LRRC53: variants seen among roughly 807,000 people sequenced by gnomAD.
LRRC53 encodes the protein leucine rich repeat containing 53.
Under a neutral mutation model 13.6 loss-of-function variants are expected in LRRC53, and 25 were observed. That is an observed-to-expected ratio of 1.83 (90% CI 1.34 to 2.56). LRRC53 has a LOEUF of 2.56. Ranked by LOEUF, LRRC53 falls within the 30% of genes most tolerant of loss-of-function variation. The pLI, the probability that LRRC53 is intolerant of heterozygous loss-of-function variation, is 0.00. For missense variants in LRRC53, 527 were observed against 275.8 expected (o/e 1.91, Z -6.45); for synonymous variants, 204 against 109.8 (o/e 1.86, Z -5.37).
chr1:74,514,591 T>G (rs964874342), upstream of LRRC53, among the ~76,000 whole-genome samples: 5 of 152,180 alleles, frequency 3.3e-5, no homozygotes, highest in African/African-American at 1.2e-4. Context: ...TATCTCCATT[T>G]TGAAGATGGG....
At chr1:74,485,666 G>T (rs968561214) in intron 1 of LRRC53, among the ~76,000 whole-genome samples, 1 of 152,166 alleles carries the variant, frequency 6.6e-6, no homozygotes, top group Non-Finnish European at 1.5e-5. Flanking sequence ...ACCTAACTGG[G>T]TGAGCCCTTC....
chr1:74,521,311 A>G, the LRRC53 span, among the ~76,000 whole-genome samples: 3 of 152,174 alleles, frequency 2.0e-5, no homozygotes, highest in African/African-American at 7.2e-5. Flanking sequence ...TCTATAAAAC[A>G]GGCATAATAA....
At chr1:74,523,523 G>T in the LRRC53 span, among the ~76,000 whole-genome samples, 1 of 151,722 alleles carries the variant, frequency 6.6e-6, no homozygotes, top group Non-Finnish European at 1.5e-5. Context: ...AAAAAAAAAG[G>T]CCTCAAAGTT....
intron 1 of LRRC53, chr1:74,489,286 G>A (rs1393809050): frequency 1.1e-5 from 17 of 1,593,332 alleles, no homozygotes; most frequent in Non-Finnish European, 1.4e-5. Context: ...CCATAAAAAA[G>A]CCCTGCATAT....
chr1:74,469,445 T>A lies in LRRC53; in HGVS notation c.*433A>T, dbSNP rs1429735601. ...AAAACAGATCAAACACAAATATGAATATATAATTATCCATGTAGAAAGCAA... is the reference window on the plus strand; with the variant it reads ...AAAACAGATCAAACACAAATATGAAAATATAATTATCCATGTAGAAAGCAA... On this transcript the variant is annotated 3_prime_UTR_variant, in exon 5 of 5. Coordinates refer to ENST00000294635, the MANE Select transcript of LRRC53 (RefSeq NM_001382280.1). 1.3e-5 allele frequency: 2 copies of A among 153,182 alleles called. No homozygotes were observed. Among genetic ancestry groups the A allele is most frequent in the East Asian group, 3.8e-4 (2 of 5,222 alleles). 9.5% of individuals were successfully genotyped at this position (153,182 alleles called of 1,614,324 possible).
upstream of LRRC53, among the ~76,000 whole-genome samples, chr1:74,516,650 T>C (rs908447791): frequency 1.3e-5 from 2 of 152,112 alleles, no homozygotes; most frequent in Non-Finnish European, 2.9e-5. Flanking sequence ...CAACAGTAAG[T>C]GGCATGGTCA....
At chr1:74,529,206 A>G in the LRRC53 span, among the ~76,000 whole-genome samples, 140,166 of 152,202 alleles carry the variant, frequency 0.92, 64,814 homozygotes, top group Non-Finnish European at 0.96. Context: ...TTTATAGTGT[A>G]GAAGCCTATC....
rs1669299852 is a variant in LRRC53 at position 74,495,853 on chromosome 1, C to CTATTAT, written c.-26-12479_-26-12478insATAATA. 2.0e-5 allele frequency among the ~76,000 whole-genome samples: 3 copies of CTATTAT among 152,244 alleles called. No individual in the cohort carries two copies. The South Asian group carries it at 6.2e-4, about 32-fold the overall frequency. On this transcript the variant is annotated intron_variant, in intron 1 of 4. Coordinates refer to ENST00000294635, the MANE Select transcript of LRRC53 (RefSeq NM_001382280.1). ...CTGGAAGTCAATCTGTGAATAACTT[C>CTATTAT]GACTATTTCTCCCAAGCCTGCCTTT...
intron 3 of LRRC53, among the ~76,000 whole-genome samples, chr1:74,478,483 C>T (rs946842531): frequency 9.9e-5 from 15 of 152,014 alleles, no homozygotes; most frequent in African/African-American, 3.6e-4. Flanking sequence ...GTAAAAGTAA[C>T]TAAAAGATAC....
At chr1:74,517,638 C>A in the LRRC53 span, among the ~76,000 whole-genome samples, 1 of 152,112 alleles carries the variant, frequency 6.6e-6, no homozygotes, top group Non-Finnish European at 1.5e-5. Flanking sequence ...ACAGTGGCAA[C>A]CTCAATTAGG....
At chr1:74,478,525 C>T (rs1018376280) in intron 3 of LRRC53, among the ~76,000 whole-genome samples, 2 of 152,096 alleles carry the variant, frequency 1.3e-5, no homozygotes, top group African/African-American at 4.8e-5. Context: ...ATTTCCAAAA[C>T]GATGTCCTCT....
At chr1:74,519,407 A>G in the LRRC53 span, among the ~76,000 whole-genome samples, 6 of 123,572 alleles carry the variant, frequency 4.9e-5, no homozygotes, top group Non-Finnish European at 9.4e-5. Context: ...CAGTAATGGG[A>G]TGGCTGGGTC....
the LRRC53 span, among the ~76,000 whole-genome samples, chr1:74,518,765 G>A: frequency 6.6e-6 from 1 of 151,360 alleles, no homozygotes; most frequent in Non-Finnish European, 1.5e-5. Flanking sequence ...AGTAAAGGGT[G>A]TGTTTTTAAA....
At chr1:74,507,343 G>A (rs1669960847) in intron 1 of LRRC53, among the ~76,000 whole-genome samples, 2 of 151,222 alleles carry the variant, frequency 1.3e-5, no homozygotes, top group Admixed American at 1.3e-4. Flanking sequence ...TACCCATCAT[G>A]TTTGCTGTTA....
chr1:74,498,866 A>C (rs2100332274), intron 1 of LRRC53, among the ~76,000 whole-genome samples: 1 of 152,332 alleles, frequency 6.6e-6, no homozygotes, highest in African/African-American at 2.4e-5. Context: ...AAAAAATTTT[A>C]ATATTTAAAA....
At chr1:74,492,751 A>G (rs2100307620) in intron 1 of LRRC53, among the ~76,000 whole-genome samples, 1 of 152,352 alleles carries the variant, frequency 6.6e-6, no homozygotes, top group South Asian at 2.1e-4. Context: ...AATAACCAAA[A>G]GGTGGAAACA....
At chr1:74,531,367 C>A in the LRRC53 span, among the ~76,000 whole-genome samples, 1 of 152,130 alleles carries the variant, frequency 6.6e-6, no homozygotes, top group African/African-American at 2.4e-5. Context: ...AGCAAATGGC[C>A]ATTCATAAGA....
At position 74,480,747 on chromosome 1, in the gene LRRC53, T is replaced by C; in HGVS notation, c.310A>G (p.Ser104Gly). The stretch of plus-strand genomic sequence containing the variant: ...AGTACCTGCAGGCTGTGAAGCTTGC[T>C]GAAGGTGTGATCAGTGAGCGAAGAG... ...SSSSLTDHTF[S>G]KLHSLQVLVL... The change falls in exon 3 of 5, where the codon AGC becomes GGC. Residue 104 changes from serine to glycine, a missense_variant. By Grantham distance (56) the Ser-to-Gly change is moderately conservative (BLOSUM62 0). Transcript: ENST00000294635. 1 of 717,490 alleles carries C rather than the reference T, an allele frequency of 1.4e-6. No homozygotes were observed. Among genetic ancestry groups the C allele is most frequent in the South Asian group, 1.5e-5 (1 of 67,590 alleles). The allele number at this position is 717,490 out of a possible 1,614,324, so 44.4% of individuals were successfully genotyped here.
chr1:74,492,453 G>T (rs993175216), intron 1 of LRRC53, among the ~76,000 whole-genome samples: 7 of 152,066 alleles, frequency 4.6e-5, no homozygotes, highest in Admixed American at 1.3e-4. Context: ...GTTAGCCTAG[G>T]TCCTCTAGTT....
Sources: gnomAD v4.1 joint callset for allele counts (sites outside exome capture counted in the v4.1 genomes callset) on GRCh38, gnomAD v4.1.1 for gene constraint, MANE v1.5 for transcripts, NCBI Gene and HGNC (gene_info 2026-07-23, HGNC 2026-07-21) for gene names.